MOGS: variants seen among roughly 807,000 people sequenced by gnomAD.
MOGS encodes epididymis secretory sperm binding protein.
MOGS carries 45 observed loss-of-function variants against 68.5 expected under a neutral mutation model. That is an observed-to-expected ratio of 0.66 (90% CI 0.52 to 0.84). The LOEUF (loss-of-function observed/expected upper bound fraction) is 0.84. MOGS is among the 40% of genes least tolerant of loss of function. MOGS has a pLI of 0.00. For missense variants in MOGS, 1,020 were observed against 1,095.0 expected (o/e 0.93, Z 0.97); for synonymous variants, 492 against 461.2 (o/e 1.07, Z -0.86).
Position 74,462,077 on chromosome 2 carries a change from G to T in MOGS, c.1712C>A (p.Thr571Asn), listed in dbSNP as rs1215194193. The change falls in exon 4 of 4, where the codon ACC becomes AAC. Residue 571 changes from threonine (T) to asparagine (N), a missense_variant. Physicochemically the swap from Thr to Asn is moderately conservative, Grantham distance 65. This residue lies in a region of MOGS where 181 missense variants were observed against 261.8 expected (regional missense o/e 0.69). Transcript: ENST00000448666. Reference sequence around the variant, plus strand: ...GGGTAGGGTCTTGGGGTTCAGTAAGGTTGGTAAGGCAGGGTCCCGTCCCCG... The same window carrying T: ...GGGTAGGGTCTTGGGGTTCAGTAAGTTTGGTAAGGCAGGGTCCCGTCCCCG... ...RWRGRDPALPTLLNPKTLPSG... is the reference protein window; with the variant it reads ...RWRGRDPALPNLLNPKTLPSG... 1.2e-6 allele frequency: 2 copies of T among 1,614,178 alleles called. No homozygotes were observed. Among genetic ancestry groups the T allele is most frequent in the South Asian group, 1.1e-5 (1 of 91,092 alleles).
rs1341502778 is a variant in MOGS, at chr2:74,461,583, A to T, written c.2206T>A (p.Ser736Thr). 3.1e-6 allele frequency: 5 copies of T among 1,613,842 alleles called. No homozygotes were observed. The highest frequency in any genetic ancestry group is 4.2e-6 in the Non-Finnish European group (5 of 1,179,920). ...FGLRSLAASS[S>T]FYGQRNSEHD... ...TCTGAATTGCGCTGGCCATAAAAGG[A>T]GCTGGAGGCTGCAAGGGAGCGTAAA... Residue 736 changes from serine (S) to threonine (T), a missense_variant, in exon 4 of 4, where the codon TCC becomes ACC. Coordinates refer to ENST00000448666, the MANE Select transcript of MOGS (RefSeq NM_006302.3).
In MOGS at chr2:74,462,058, G is replaced by C; in HGVS notation, c.1731C>G (p.Thr577=). 2 of 1,614,194 alleles carry C rather than the reference G, an allele frequency of 1.2e-6. No individual in the cohort carries two copies. Among genetic ancestry groups the C allele is most frequent in the African/African-American group, 2.7e-5 (2 of 75,052 alleles). Residue 577 remains threonine (T), a synonymous_variant, in exon 4 of 4, where the codon ACC becomes ACG. Coordinates refer to ENST00000448666, the MANE Select transcript of MOGS (RefSeq NM_006302.3). ...GGTAGTCATCCAGCCCAGAGGGTAGGGTCTTGGGGTTCAGTAAGGTTGGTA... is the reference window on the plus strand; with the variant it reads ...GGTAGTCATCCAGCCCAGAGGGTAGCGTCTTGGGGTTCAGTAAGGTTGGTA... ...PALPTLLNPK[T]LPSGLDDYPR...
Position 74,462,490 on chromosome 2 carries a change from AGGTACGG to A in MOGS, c.1292_1298del (p.Pro431LeufsTer46). On this transcript the variant is annotated frameshift_variant, in exon 4 of 4. Coordinates refer to ENST00000448666, the MANE Select transcript of MOGS (RefSeq NM_006302.3). LOFTEE classifies it high-confidence loss of function. ...ACCGGGAGGGCACTGCTGTAAAAAG[AGGTACGG>A]GTGGAAAGAGGGCTGGGTCCACCTT... The A allele has an allele frequency of 6.2e-7, 1 of 1,608,950 alleles. No individual in the cohort carries two copies. Among genetic ancestry groups the A allele is most frequent in the Non-Finnish European group, 8.5e-7 (1 of 1,176,560 alleles).
In MOGS at chr2:74,461,352, C is replaced by T. The variant is rs1212011793; in HGVS notation, c.2437G>A (p.Asp813Asn). Reference protein sequence around the residue: ...GFLWEQYSDRDGRGMGCRPFH... With the variant: ...GFLWEQYSDRNGRGMGCRPFH... ...GGGCGGCAGCCCATGCCTCGCCCAT[C>T]GCGGTCACTGTACTGCTCCCAAAGA... The change falls in exon 4 of 4, where the codon GAT (aspartate) becomes AAT (asparagine). Residue 813 changes from aspartate (D) to asparagine (N), a missense_variant. Coordinates refer to ENST00000448666, the MANE Select transcript of MOGS (RefSeq NM_006302.3). 5 of 1,614,136 alleles carry T rather than the reference C, an allele frequency of 3.1e-6. No individual in the cohort carries two copies. Among genetic ancestry groups the T allele is most frequent in the Non-Finnish European group, 4.2e-6 (5 of 1,180,058 alleles).
Position 74,465,365 on chromosome 2 carries a change from C to A in MOGS, c.-118G>T, listed in dbSNP as rs1450235139. On this transcript the variant is annotated 5_prime_UTR_variant, in exon 1 of 4. It adds an upstream start codon to the 5' untranslated region. Transcript: ENST00000448666. ...GCGACCACCGTCCGGTTAGCGACAC[C>A]TGCCAGCCAGCGCCTGCGCCTCCGC... The A allele has an allele frequency of 8.1e-6, 4 of 496,004 alleles. No individual in the cohort carries two copies. Among genetic ancestry groups the A allele is most frequent in the African/African-American group, 2.0e-5 (1 of 49,394 alleles). The allele number at this position is 496,004 out of a possible 1,614,324, so 30.7% of individuals were successfully genotyped here.
At chr2:74,463,955 G>A (rs1399924476) in intron 2 of MOGS, among the ~76,000 whole-genome samples, 2 of 147,342 alleles carry the variant, frequency 1.4e-5, no homozygotes, top group Admixed American at 6.8e-5. Flanking sequence ...GAGCCACCGC[G>A]CCTGGCTTTT....
In MOGS at chr2:74,462,565, T is replaced by C. The variant is rs1194379910; in HGVS notation, c.1224A>G (p.Gln408=). 1 of 1,613,070 alleles carries C rather than the reference T, an allele frequency of 6.2e-7. No homozygotes were observed. The highest frequency in any genetic ancestry group is 8.5e-7 in the Non-Finnish European group (1 of 1,179,252). Residue 408 remains glutamine, a synonymous_variant, in exon 4 of 4, where the codon CAA becomes CAG. Coordinates refer to ENST00000448666, the MANE Select transcript of MOGS (RefSeq NM_006302.3). The stretch of plus-strand genomic sequence containing the variant: ...CCCCGATGTCTGGCAATACCAGCCC[T>C]TGTCCGTAGAAGTAGCCAATTCCAC... ...LLGGIGYFYG[Q]GLVLPDIGVE... is the part of the protein sequence containing the mutation.
Position 74,462,514 on chromosome 2 carries a change from G to T in MOGS, c.1275C>A (p.Asp425Glu). The T allele has an allele frequency of 6.2e-7, 1 of 1,607,868 alleles. No individual in the cohort carries two copies. Residue 425 changes from aspartate (D) to glutamate (E), a missense_variant, in exon 4 of 4, where the codon GAC (aspartate) becomes GAA (glutamate). This residue lies in a region of MOGS where 569 missense variants were observed against 571.9 expected (regional missense o/e 0.99). Coordinates refer to ENST00000448666, the MANE Select transcript of MOGS (RefSeq NM_006302.3). ...IGVEGSEQKV[D>E]PALFPPVPLF... Reference sequence around the variant, plus strand: ...GAGGTACGGGTGGAAAGAGGGCTGGGTCCACCTTCTGCTCAGACCCTTCCA... The same window carrying T: ...GAGGTACGGGTGGAAAGAGGGCTGGTTCCACCTTCTGCTCAGACCCTTCCA...
In MOGS at chr2:74,463,265, G is replaced by T; in HGVS notation, c.701C>A (p.Thr234Asn). The T allele has an allele frequency of 6.2e-7, 1 of 1,614,160 alleles. No individual in the cohort carries two copies. Among genetic ancestry groups the T allele is most frequent in the South Asian group, 1.1e-5 (1 of 91,080 alleles). Residue 234 changes from threonine to asparagine, a missense_variant, in exon 3 of 4, where the codon ACC (threonine) becomes AAC (asparagine). This residue lies in a region of MOGS where 569 missense variants were observed against 571.9 expected (regional missense o/e 0.99). Transcript: ENST00000448666. ...KGQLKFISGHTSELGDFRFTL... is the reference protein window; with the variant it reads ...KGQLKFISGHNSELGDFRFTL... Reference sequence around the variant, plus strand: ...AAAGCGGAAGTCACCAAGTTCACTGGTGTGCCCACTGATAAACTTCAACTG... The same window carrying T: ...AAAGCGGAAGTCACCAAGTTCACTGTTGTGCCCACTGATAAACTTCAACTG...
At position 74,464,652 on chromosome 2, in the gene MOGS, GT is replaced by G. The variant is rs1199925815; in HGVS notation, c.422del (p.Asp141AlafsTer26). 2 of 1,613,938 alleles carry G rather than the reference GT, an allele frequency of 1.2e-6. No homozygotes were observed. Among genetic ancestry groups the G allele is most frequent in the Admixed American group, 1.7e-5 (1 of 60,012 alleles). ...PKLRHTCEQG[D>X]GVGPYGWEFH... ...ACTCCCAGCCATAGGGACCCACACCGTCCCCCTGCTCACACGTGTGCCTGAG... is the reference window on the plus strand; with the variant it reads ...ACTCCCAGCCATAGGGACCCACACCGCCCCCTGCTCACACGTGTGCCTGAG... On this transcript the variant is annotated frameshift_variant, in exon 2 of 4. Transcript: ENST00000448666. LOFTEE classifies it high-confidence loss of function.
At position 74,462,259 on chromosome 2, in the gene MOGS, G is replaced by C. The variant is rs1671934760; in HGVS notation, c.1530C>G (p.Ala510=). Residue 510 remains alanine, a synonymous_variant, in exon 4 of 4, where the codon GCC becomes GCG. Transcript: ENST00000448666. ...CAGGCAAAAGTAGGGTTGGGGGGTT[G>C]GCGTGGACTGCTCGTTGTACTAGGA... The part of the protein sequence containing the change: ...PEFLVQRAVH[A]NPPTLLLPVA... The C allele has an allele frequency of 6.2e-7, 1 of 1,613,914 alleles. No individual in the cohort carries two copies. The highest frequency in any genetic ancestry group is 8.5e-7 in the Non-Finnish European group (1 of 1,180,040).
Position 74,464,542 on chromosome 2 carries a change from C to T in MOGS, c.533G>A (p.Gly178Asp). 2 of 1,614,134 alleles carry T rather than the reference C, an allele frequency of 1.2e-6. No individual in the cohort carries two copies. Among genetic ancestry groups the T allele is most frequent in the Non-Finnish European group, 8.5e-7 (1 of 1,180,018 alleles). The change falls in exon 2 of 4, where the codon GGT (glycine) becomes GAT (aspartate). Residue 178 changes from glycine to aspartate, a missense_variant. Physicochemically the swap from Gly to Asp is moderately conservative, Grantham distance 94 (BLOSUM62 -1). Transcript: ENST00000448666. ...LTTEFVKRPG[G>D]QHGGDWSWRV... ...CCAGCTCCAGTCCCCTCCGTGCTGA[C>T]CCCCAGGCCTCTTGACGAACTCAGT...
rs753884285 is a variant in MOGS at position 74,461,476 on chromosome 2, A to G, written c.2313T>C (p.His771=). Reference sequence around the variant, plus strand: ...CCCGAGCCTGGTGAGGACCCTCCAGATGCCCATAGTGGTGGAGTGCTCCCA... The same window carrying G: ...CCCGAGCCTGGTGAGGACCCTCCAGGTGCCCATAGTGGTGGAGTGCTCCCA... ...LALGALHHYG[H]LEGPHQARAA... The change falls in exon 4 of 4, where the codon CAT becomes CAC. Residue 771 remains histidine, a synonymous_variant. Transcript: ENST00000448666. The G allele has an allele frequency of 6.2e-7, 1 of 1,614,174 alleles. No individual in the cohort carries two copies. Among genetic ancestry groups the G allele is most frequent in the Non-Finnish European group, 8.5e-7 (1 of 1,180,024 alleles).
chr2:74,465,022 A>C lies in MOGS; in HGVS notation c.226T>G (p.Ser76Ala). The C allele has an allele frequency of 6.4e-7, 1 of 1,554,326 alleles. No homozygotes were observed. The highest frequency in any genetic ancestry group is 8.7e-7 in the Non-Finnish European group (1 of 1,149,314). Residue 76 changes from serine to alanine, a missense_variant, in exon 1 of 4, where the codon TCC (serine) becomes GCC (alanine). Coordinates refer to ENST00000448666, the MANE Select transcript of MOGS (RefSeq NM_006302.3). ...TCGGCAGGCAACACAGGAGGCGCGG[A>C]GTGCAGCGTGACCGCCCGCCGCGCA... ...YRARRAVTLHSAPPVLPADSS... is the reference protein window; with the variant it reads ...YRARRAVTLHAAPPVLPADSS...
rs1348980887 is a variant in MOGS, at chr2:74,462,125, G to T, written c.1664C>A (p.Pro555Gln). ...CCGCCAGCGGTAAGATAGTGGCAGT[G>T]GGCCTGCCTGGCTCTGATGGAGCCA... is the stretch of plus-strand genomic sequence containing the variant. ...FSWLHQSQAGPLPLSYRWRGR... is the reference protein window; with the variant it reads ...FSWLHQSQAGQLPLSYRWRGR... The change falls in exon 4 of 4, where the codon CCA becomes CAA. Residue 555 changes from proline (P) to glutamine (Q), a missense_variant. Coordinates refer to ENST00000448666, the MANE Select transcript of MOGS (RefSeq NM_006302.3). 13 of 1,613,958 alleles carry T rather than the reference G, an allele frequency of 8.1e-6. No homozygotes were observed. Among genetic ancestry groups the T allele is most frequent in the Non-Finnish European group, 1.1e-5 (13 of 1,179,928 alleles).
At chr2:74,464,443 A>T (rs1321562005) in intron 2 of MOGS, 53 bp downstream of exon 2, 4 of 1,577,042 alleles carry the variant, frequency 2.5e-6, no homozygotes, top group Non-Finnish European at 3.5e-6. Context: ...GCTGGCAGCA[A>T]GGGAAGGATG....
At chr2:74,463,038 A>G in intron 3 of MOGS, 26 bp from the exon 4 acceptor site, 1 of 1,613,590 alleles carries the variant, frequency 6.2e-7, no homozygotes. Context: ...ATAAATAGGA[A>G]ATATTATTCA....
In MOGS at chr2:74,463,006, A is replaced by G. The variant is rs768060316; in HGVS notation, c.783T>C (p.Asn261=). 1.9e-6 allele frequency: 3 copies of G among 1,614,058 alleles called. No homozygotes were observed. Among genetic ancestry groups the G allele is most frequent in the East Asian group, 2.2e-5 (1 of 44,888 alleles). The change falls in exon 4 of 4, where the codon AAT becomes AAC. Residue 261 remains asparagine (N), a synonymous_variant. Transcript: ENST00000448666. The part of the protein sequence containing the change: ...GDTAPKYGSY[N]VFWTSNPGLP... ...GTCCTGGGTTGGAGGTCCAGAAGACATTGTAGCTTGAAGGGGAGAAGATAA... is the reference window on the plus strand; with the variant it reads ...GTCCTGGGTTGGAGGTCCAGAAGACGTTGTAGCTTGAAGGGGAGAAGATAA...
chr2:74,464,875 C>T (rs781487082), intron 1 of MOGS, 21 bp downstream of exon 1: 1 of 1,601,920 alleles, frequency 6.2e-7, no homozygotes, highest in Admixed American at 1.7e-5. Context: ...CGCCTGCCTG[C>T]CCGCCCTGGG....
Sources: allele counts gnomAD v4.1 joint callset (sites outside exome capture counted in the v4.1 genomes callset), GRCh38; gene constraint gnomAD v4.1.1; regional missense constraint gnomAD v4.1.1; transcripts MANE v1.5; gene names NCBI Gene and HGNC (gene_info 2026-07-23, HGNC 2026-07-21).